The following NAV2 variants were observed in gnomAD, a reference collection of about 807,000 sequenced individuals.
NAV2 encodes neuron navigator 2, also known as helicase, APC down-regulated 1.
Under a neutral mutation model 223.2 loss-of-function variants are expected in NAV2, and 54 were observed. The ratio of observed to expected loss-of-function variants is 0.24; its 90% CI spans 0.19 to 0.30. NAV2 has a LOEUF of 0.30. NAV2 is among the 10% of genes least tolerant of loss of function. The probability of loss-of-function intolerance (pLI) is 1.00; values close to 1 mark genes in which losing one functional copy is unlikely to be tolerated. For missense variants in NAV2, 2,806 were observed against 3,147.5 expected, an observed-to-expected ratio of 0.89 and a Z score of 2.60; for synonymous variants, 1,279 against 1,239.3, an observed-to-expected ratio of 1.03 and a Z score of -0.67.
At chr11:19,871,332 C>T (rs1448074941) in intron 4 of NAV2, among the ~76,000 whole-genome samples, 1 of 152,204 alleles carries the variant, frequency 6.6e-6, no homozygotes, top group Non-Finnish European at 1.5e-5. Context: ...CTCATTCCTT[C>T]CAGTGTAAAT....
chr11:19,907,304 G>A lies in NAV2; in HGVS notation c.931+14710G>A, dbSNP rs182469641. Among the ~76,000 whole-genome samples, 119 of 152,218 alleles carry A rather than the reference G, an allele frequency of 7.8e-4. No homozygotes were observed. The South Asian group carries it at 0.015, about 20-fold the overall frequency. Reference sequence around the variant, plus strand: ...AAAAGTCTGAAGCACCCCTGTAGCCGCCTCTTCTTGCTCATCCTCCTCTCT... The same window carrying A: ...AAAAGTCTGAAGCACCCCTGTAGCCACCTCTTCTTGCTCATCCTCCTCTCT... On this transcript the variant is annotated intron_variant, in intron 6 of 37. Coordinates refer to ENST00000349880, the MANE Select transcript of NAV2 (RefSeq NM_145117.5).
At chr11:19,807,892 T>C (rs774867818) in intron 1 of NAV2, among the ~76,000 whole-genome samples, 1 of 152,248 alleles carries the variant, frequency 6.6e-6, no homozygotes, top group Non-Finnish European at 1.5e-5. Flanking sequence ...TTTTGCATAT[T>C]TGTCCTGTGC....
intron 1 of NAV2, among the ~76,000 whole-genome samples, chr11:19,460,957 C>G (rs1246309241): frequency 1.3e-5 from 2 of 152,122 alleles, no homozygotes; most frequent in Non-Finnish European, 2.9e-5. Flanking sequence ...GAGCATGCTT[C>G]TGGTGGGATT....
intron 10 of NAV2, among the ~76,000 whole-genome samples, chr11:19,953,364 G>A (rs72470807): frequency 2.2e-4 from 34 of 152,238 alleles, no homozygotes; most frequent in Admixed American, 1.8e-3. Context: ...ACTTGCCCCC[G>A]GCCACATTTC....
At chr11:19,865,388 G>A (rs2062030370) in intron 3 of NAV2, among the ~76,000 whole-genome samples, 1 of 152,134 alleles carries the variant, frequency 6.6e-6, no homozygotes, top group African/African-American at 2.4e-5. Context: ...AAACCTTAAG[G>A]TGAATTTTAA....
chr11:19,879,984 C>T lies in NAV2; in HGVS notation c.627C>T (p.Ala209=), dbSNP rs760641412. The change falls in exon 5 of 38, where the codon GCC becomes GCT. Residue 209 remains alanine (A), a synonymous_variant. Transcript: ENST00000349880. ...KQHLSSPLPP[A]VSQVAGAPSQ... ...ACCTCTCCTCACCTCTGCCGCCCGC[C>T]GTATCCCAGGTGGCCGGGGCCCCCT... The T allele has an allele frequency of 1.3e-5, 21 of 1,613,672 alleles. No homozygotes were observed. The highest frequency in any genetic ancestry group is 2.2e-5 in the South Asian group (2 of 91,072).
Position 19,392,598 on chromosome 11 carries a change from T to G in NAV2, c.75+41571T>G, listed in dbSNP as rs150885730. Among the ~76,000 whole-genome samples the G allele has an allele frequency of 3.9e-5, 6 of 152,208 alleles. No individual in the cohort carries two copies. In the East Asian group the frequency reaches 1.2e-3, roughly 29 times the overall value. ...GAGCACGAGCAAGCCAGGCAGAAAATGTACTGCCTTTTGTGACCTAGCCTC... is the reference window on the plus strand; with the variant it reads ...GAGCACGAGCAAGCCAGGCAGAAAAGGTACTGCCTTTTGTGACCTAGCCTC... On this transcript the variant is annotated intron_variant, in intron 1 of 37. Coordinates refer to the NAV2 transcript ENST00000360655.
chr11:19,495,260 ACCAGGCTCT>A (rs2042758001), intron 1 of NAV2, among the ~76,000 whole-genome samples: 1 of 152,210 alleles, frequency 6.6e-6, no homozygotes, highest in Non-Finnish European at 1.5e-5. Context: ...GCAAGCAAGC[ACCAGGCTCT>A]CCATTAGGAA....
intron 1 of NAV2, among the ~76,000 whole-genome samples, chr11:19,484,158 A>ACACACACACC (rs1554945487): frequency 1.9e-4 from 28 of 150,074 alleles, no homozygotes; most frequent in East Asian, 1.4e-3. Flanking sequence ...ACACACACAC[A>ACACACACACC]CCCCAAGTCT....
chr11:20,110,442 C>T (rs984870920), intron 36 of NAV2, among the ~76,000 whole-genome samples: 1 of 152,156 alleles, frequency 6.6e-6, no homozygotes, highest in Non-Finnish European at 1.5e-5. Flanking sequence ...ATTAGGGGCC[C>T]GACGTGCATG....
At chr11:19,687,784 C>CGT (rs10523150) in intron 1 of NAV2, among the ~76,000 whole-genome samples, 16 of 150,812 alleles carry the variant, frequency 1.1e-4, no homozygotes, top group African/African-American at 2.2e-4. Flanking sequence ...TGTATGCATG[C>CGT]GTGTGTGTGT....
At chr11:20,084,697 G>A (rs1352153857) in intron 26 of NAV2, among the ~76,000 whole-genome samples, 5 of 152,158 alleles carry the variant, frequency 3.3e-5, no homozygotes, top group Admixed American at 6.5e-5. Flanking sequence ...TCCATCTGCA[G>A]AGTGCCTAAG....
At chr11:19,577,166 C>T (rs1377174046) in intron 1 of NAV2, among the ~76,000 whole-genome samples, 1 of 152,218 alleles carries the variant, frequency 6.6e-6, no homozygotes, top group African/African-American at 2.4e-5. Flanking sequence ...TGGGTCTAAG[C>T]ATATCTTTAT....
chr11:20,107,501 G>T lies in NAV2; in HGVS notation c.6842-163G>T, dbSNP rs2062243067. The T allele has an allele frequency of 4.7e-6, 3 of 641,934 alleles. No individual in the cohort carries two copies. In the South Asian group the frequency reaches 5.8e-5, roughly 12 times the overall value. 39.8% of individuals were successfully genotyped at this position (641,934 alleles called of 1,614,324 possible). On this transcript the variant is annotated intron_variant, in intron 35 of 37. Transcript: ENST00000349880. ...CAGGGATCAGAGTGTCCTTCTCTGT[G>T]GCCACCATCCAGGGCTAGTATACCT...
At chr11:19,962,793 C>G (rs1316664293) in intron 10 of NAV2, among the ~76,000 whole-genome samples, 1 of 152,096 alleles carries the variant, frequency 6.6e-6, no homozygotes, top group Non-Finnish European at 1.5e-5. Flanking sequence ...AAGGAGAGGC[C>G]CCAAGTTTGT....
chr11:19,379,913 C>G (rs1848778122), intron 1 of NAV2, among the ~76,000 whole-genome samples: 1 of 152,096 alleles, frequency 6.6e-6, no homozygotes, highest in Non-Finnish European at 1.5e-5. Context: ...TCACCAAACA[C>G]CATTCCAAAA....
At chr11:19,769,619 T>C (rs1202160640) in intron 1 of NAV2, among the ~76,000 whole-genome samples, 1 of 152,138 alleles carries the variant, frequency 6.6e-6, no homozygotes, top group Non-Finnish European at 1.5e-5. Flanking sequence ...TGGAGTAGAT[T>C]GTGTCCACCG....
intron 1 of NAV2, among the ~76,000 whole-genome samples, chr11:19,391,861 C>T (rs1483465967): frequency 2.0e-5 from 3 of 152,098 alleles, no homozygotes; most frequent in African/African-American, 4.8e-5. Context: ...ATATTCGTTC[C>T]CCTGCTGTGT....
At chr11:19,475,269 G>C in intron 1 of NAV2, among the ~76,000 whole-genome samples, 1 of 152,308 alleles carries the variant, frequency 6.6e-6, no homozygotes, top group South Asian at 2.1e-4. Context: ...TGGTTTTTCT[G>C]TCCTCTTGTT....
Sources: allele counts gnomAD v4.1 joint callset (sites outside exome capture counted in the v4.1 genomes callset), GRCh38; gene constraint gnomAD v4.1.1; transcripts MANE v1.5; gene names NCBI Gene and HGNC (gene_info 2026-07-23, HGNC 2026-07-21).